PLXDC1: variants seen among roughly 807,000 people sequenced by gnomAD.
The protein encoded by PLXDC1 is plexin domain containing 1, also known as plexin domain-containing protein 1.
In PLXDC1, 39 loss-of-function variants were observed where a neutral mutation model predicts 61.3. The observed-to-expected ratio is 0.64, with a 90% confidence interval of 0.49 to 0.83. The LOEUF (loss-of-function observed/expected upper bound fraction) is 0.83. Ranked by LOEUF, PLXDC1 falls within the 40% of genes least tolerant of loss-of-function variation. PLXDC1 has a pLI of 0.00. For synonymous variants in PLXDC1, 212 were observed against 254.5 expected (o/e 0.83, Z 1.59); for missense variants, 596 against 666.5 (o/e 0.89, Z 1.17).
chr17:39,085,691 G>A (rs763482337), intron 8 of PLXDC1, among the ~76,000 whole-genome samples: 4 of 152,086 alleles, frequency 2.6e-5, no homozygotes, highest in Non-Finnish European at 5.9e-5. Flanking sequence ...TACAGAATAC[G>A]ATGGCTTGGA....
At chr17:39,105,991 C>A (rs761553744) in intron 6 of PLXDC1, 38 bp from the exon 7 acceptor site, 6 of 1,427,640 alleles carry the variant, frequency 4.2e-6, no homozygotes, top group Non-Finnish European at 5.9e-6. Context: ...ACCTCCCAAA[C>A]GCTCTGGGGC....
At chr17:39,140,573 G>C (rs1911905665) in intron 1 of PLXDC1, among the ~76,000 whole-genome samples, 1 of 152,228 alleles carries the variant, frequency 6.6e-6, no homozygotes, top group African/African-American at 2.4e-5. Context: ...CCAAAGTGCT[G>C]GGATTACAGG....
Position 39,083,422 on chromosome 17 carries a change from G to A in PLXDC1, c.989+37C>T, listed in dbSNP as rs768178582. The A allele has an allele frequency of 1.3e-5, 20 of 1,554,022 alleles. No homozygotes were observed. The Admixed American group carries it at 1.9e-4, about 14-fold the overall frequency. ...TGCCACCCTCTTCCCCTCCACAGTC[G>A]GCCAGTGGGAGTCAGCAGGTAACCC... On this transcript the variant is annotated intron_variant, in intron 9 of 13. Transcript: ENST00000315392.
rs1395263147 is a variant in PLXDC1 at position 39,151,296 on chromosome 17, G to GCCCACA, written c.76+60_76+65dup. 6.0e-6 allele frequency: 7 copies of GCCCACA among 1,174,324 alleles called. No homozygotes were observed. Among genetic ancestry groups the GCCCACA allele is most frequent in the African/African-American group, 1.6e-5 (1 of 62,844 alleles). The allele number at this position is 1,174,324 out of a possible 1,614,324, so 72.7% of individuals were successfully genotyped here. On this transcript the variant is annotated intron_variant, in intron 1 of 13. Coordinates refer to ENST00000315392, the MANE Select transcript of PLXDC1 (RefSeq NM_020405.5). This position sits in a 1 kb window ranked among gnomAD's most constrained non-coding sequence, Gnocchi z 5.2. ...CGCCAGGCCGTCCACACCTGCCCAT[G>GCCCACA]CCCACACCTGACTGCCCGTCCCTCC...
At chr17:39,131,938 G>A in intron 2 of PLXDC1, 1 of 152,762 alleles carries the variant, frequency 6.5e-6, no homozygotes, top group Non-Finnish European at 1.5e-5. Flanking sequence ...CACTCTCCCT[G>A]CCAACTGTCT....
chr17:39,152,873 C>T (rs1448707523), upstream of PLXDC1: 5 of 405,428 alleles, frequency 1.2e-5, no homozygotes, highest in Non-Finnish European at 2.1e-5. Context: ...TCCGCCGGGC[C>T]CAGAGTCCCA....
intron 2 of PLXDC1, among the ~76,000 whole-genome samples, chr17:39,136,795 G>GA (rs1259069262): frequency 2.0e-5 from 3 of 151,870 alleles, no homozygotes; most frequent in Non-Finnish European, 2.9e-5. Flanking sequence ...CGATAGTAGA[G>GA]AAAAAAATCA....
At chr17:39,097,012 T>G (rs1466497981) in intron 7 of PLXDC1, 4 of 471,094 alleles carry the variant, frequency 8.5e-6, no homozygotes, top group Middle Eastern at 3.2e-4. Flanking sequence ...TGGTAAGAAC[T>G]CTTGTGGTTT....
intron 8 of PLXDC1, among the ~76,000 whole-genome samples, 191 bp downstream of exon 8, chr17:39,087,416 C>G (rs910910433): frequency 6.6e-6 from 1 of 152,184 alleles, no homozygotes; most frequent in Non-Finnish European, 1.5e-5. Context: ...TCAACTCCAC[C>G]TAGGTGGTTC....
At chr17:39,128,105 A>ATATATATATGTATATATATATGTG (rs1368066590) in intron 2 of PLXDC1, among the ~76,000 whole-genome samples, 2 of 81,786 alleles carry the variant, frequency 2.4e-5, no homozygotes, top group Admixed American at 1.2e-4. Flanking sequence ...GTGTATATAT[A>ATATATATATGTATATATATATGTG]TATATATATG....
rs139054975 is a variant in PLXDC1, at chr17:39,096,992, G to A, written c.811+8862C>T. 8.3e-4 allele frequency: 389 copies of A among 471,232 alleles called. 2 individuals carry two copies. Among genetic ancestry groups the A allele is most frequent in the African/African-American group, 7.2e-3 (359 of 50,186 alleles). 29.2% of individuals were successfully genotyped at this position (471,232 alleles called of 1,614,324 possible). A position where few individuals can be genotyped will look rare whatever the true frequency, so the allele number is the denominator to read the frequency against. On this transcript the variant is annotated intron_variant, in intron 7 of 13. Transcript: ENST00000315392. ...GAAAAGCCTGCGGAAGAGTTTATAC[G>A]AGGAAGTACTGGTAAGAACTCTTGT... is the stretch of plus-strand genomic sequence containing the variant.
At chr17:39,109,011 G>A (rs768866742) in intron 3 of PLXDC1, 38 bp from the exon 4 acceptor site, 9 of 1,514,350 alleles carry the variant, frequency 5.9e-6, no homozygotes, top group Non-Finnish European at 8.2e-6. Flanking sequence ...GGGCCAAGCT[G>A]CAGGCCAGGG....
chr17:39,088,943 G>GAAAAAAA (rs56714275), intron 7 of PLXDC1, among the ~76,000 whole-genome samples: 30 of 63,910 alleles, frequency 4.7e-4, no homozygotes, highest in South Asian at 7.1e-4. Context: ...GAGCAAGACT[G>GAAAAAAA]AAAAAAAAAA....
Position 39,064,077 on chromosome 17 carries a change from G to GC in PLXDC1, c.*3762_*3763insG. 1 of 155,398 alleles carries GC rather than the reference G, an allele frequency of 6.4e-6. No individual in the cohort carries two copies. Among genetic ancestry groups the GC allele is most frequent in the Admixed American group, 6.2e-5 (1 of 16,096 alleles). The allele number at this position is 155,398 out of a possible 1,614,324, so 9.6% of individuals were successfully genotyped here. A position where few individuals can be genotyped will look rare whatever the true frequency, so the allele number is the denominator to read the frequency against. ...CAATCTCTTTAGCAACAAAATACCT[G>GC]TGTGTGCATATCTTATTGCTCAAAA... On this transcript the variant is annotated 3_prime_UTR_variant, in exon 14 of 14. Transcript: ENST00000315392.
chr17:39,125,975 C>T (rs371169085), intron 2 of PLXDC1, among the ~76,000 whole-genome samples: 4 of 152,062 alleles, frequency 2.6e-5, no homozygotes, highest in Non-Finnish European at 4.4e-5. Context: ...GCACATGGGC[C>T]GGGCGCGGTG....
chr17:39,129,765 AAG>A (rs138100849), intron 2 of PLXDC1, among the ~76,000 whole-genome samples: 3,703 of 151,312 alleles, frequency 0.024, 75 homozygotes, highest in Middle Eastern at 0.044. Flanking sequence ...GAAAGAAAGA[AAG>A]AGAGAAAGAA....
intron 3 of PLXDC1, 83 bp from the exon 4 acceptor site, chr17:39,109,056 A>AT: frequency 7.6e-7 from 1 of 1,312,474 alleles, no homozygotes; most frequent in Non-Finnish European, 1.1e-6. Flanking sequence ...GCTTGTTTGG[A>AT]CAGAGTGGGG....
intron 2 of PLXDC1, among the ~76,000 whole-genome samples, chr17:39,117,257 C>T (rs1911001785): frequency 6.6e-6 from 1 of 152,186 alleles, no homozygotes; most frequent in South Asian, 2.1e-4. Flanking sequence ...TTCAAGATGG[C>T]AGGGTCAACC....
intron 2 of PLXDC1, among the ~76,000 whole-genome samples, chr17:39,127,943 C>CA (rs35444362): frequency 0.021 from 1,130 of 52,918 alleles, 50 homozygotes; most frequent in Non-Finnish European, 0.025. Flanking sequence ...CTCCATCTCA[C>CA]AAAAAAAAAA....
Sources: gnomAD v4.1 joint callset for allele counts (sites outside exome capture counted in the v4.1 genomes callset) on GRCh38, gnomAD v4.1.1 for gene constraint, Gnocchi (gnomAD v3.1) non-coding constraint, MANE v1.5 for transcripts, NCBI Gene and HGNC (gene_info 2026-07-23, HGNC 2026-07-21) for gene names.